The following HMCN1 variants were observed in gnomAD, a reference collection of about 807,000 sequenced individuals.
HMCN1 encodes hemicentin-1.
A neutral mutation model predicts 625.9 loss-of-function variants in HMCN1; 321 were observed. The ratio of observed to expected loss-of-function variants is 0.51; its 90% CI spans 0.47 to 0.56. The LOEUF is 0.56. Ranked by LOEUF, HMCN1 falls within the 20% of genes least tolerant of loss-of-function variation. The pLI is 0.00. For synonymous variants in HMCN1, 2,425 were observed against 2,417.6 expected, an observed-to-expected ratio of 1.00 and a Z score of -0.09; for missense variants, 6,588 against 6,887.3, an observed-to-expected ratio of 0.96 and a Z score of 1.54.
At chr1:186,067,174 C>G (rs1273790806) in intron 49 of HMCN1, among the ~76,000 whole-genome samples, 2 of 152,158 alleles carry the variant, frequency 1.3e-5, no homozygotes, top group African/African-American at 2.4e-5. Context: ...TTTAGCCCCC[C>G]AGTTTCCATA....
rs769208881 is a variant in HMCN1 at position 186,145,963 on chromosome 1, C to T, written c.14608+40C>T. The T allele has an allele frequency of 7.9e-5, 126 of 1,600,880 alleles. 2 individuals carry two copies. Among genetic ancestry groups the T allele is most frequent in the South Asian group, 6.1e-4 (55 of 90,184 alleles). On this transcript the variant is annotated intron_variant, in intron 93 of 106. Transcript: ENST00000271588. Reference sequence around the variant, plus strand: ...TGGACTTTGGTAGCACATTTAGAGCCTTTGTGCAAATTAGAGAAAGGTGCC... The same window carrying T: ...TGGACTTTGGTAGCACATTTAGAGCTTTTGTGCAAATTAGAGAAAGGTGCC...
chr1:185,815,809 G>T (rs1467338629), intron 1 of HMCN1, among the ~76,000 whole-genome samples: 1 of 150,262 alleles, frequency 6.7e-6, no homozygotes, highest in Non-Finnish European at 1.5e-5. Flanking sequence ...CCATTAGGCT[G>T]CTAGAATTCC....
chr1:186,152,793 C>A lies in HMCN1; in HGVS notation c.14940C>A (p.Ser4980=). ...GTCATATTGCCCGGGGCTTGGATTC[C>A]GATGGTTCTTTGCTGCTAGATATCG... is the stretch of plus-strand genomic sequence containing the variant. ...QMSHIARGLD[S]DGSLLLDIVV... The change falls in exon 96 of 107, where the codon TCC becomes TCA. Residue 4980 remains serine (S), a synonymous_variant. Transcript: ENST00000271588. 1 of 1,613,926 alleles carries A rather than the reference C, an allele frequency of 6.2e-7. No individual in the cohort carries two copies. Among genetic ancestry groups the A allele is most frequent in the Admixed American group, 1.7e-5 (1 of 60,016 alleles).
chr1:185,888,382 C>A (rs1379816165), intron 4 of HMCN1, among the ~76,000 whole-genome samples: 1 of 144,384 alleles, frequency 6.9e-6, no homozygotes, highest in East Asian at 1.9e-4. Flanking sequence ...AAGTCCTTGC[C>A]CATGCGTATG....
At chr1:185,919,196 A>G (rs1666881119) in intron 6 of HMCN1, among the ~76,000 whole-genome samples, 1 of 152,042 alleles carries the variant, frequency 6.6e-6, no homozygotes, top group East Asian at 1.9e-4. Flanking sequence ...TGACTCAGTT[A>G]CAGAATTAGC....
intron 53 of HMCN1, among the ~76,000 whole-genome samples, 185 bp downstream of exon 53, chr1:186,075,076 T>A (rs1281325527): frequency 1.3e-5 from 2 of 152,140 alleles, no homozygotes; most frequent in African/African-American, 4.8e-5. Flanking sequence ...CCTCTGTTAT[T>A]TTTATGTGTT....
intron 105 of HMCN1, among the ~76,000 whole-genome samples, chr1:186,182,774 C>A (rs749584664): frequency 2.0e-5 from 3 of 152,162 alleles, no homozygotes; most frequent in Non-Finnish European, 4.4e-5. Flanking sequence ...TATGTGCTAG[C>A]ATTGCAGGAT....
chr1:186,177,553 T>C (rs772262826), intron 103 of HMCN1, among the ~76,000 whole-genome samples: 23 of 152,194 alleles, frequency 1.5e-4, no homozygotes, highest in Non-Finnish European at 2.4e-4. Flanking sequence ...ATGGTTTACA[T>C]TTGGAAAAGA....
chr1:185,786,251 A>G (rs1034311246), intron 1 of HMCN1, among the ~76,000 whole-genome samples: 2 of 152,204 alleles, frequency 1.3e-5, no homozygotes, highest in South Asian at 4.1e-4. Flanking sequence ...AGGTTTTTCC[A>G]TGGAAATGCA....
At position 186,069,750 on chromosome 1, in the gene HMCN1, T is replaced by G; in HGVS notation, c.7967T>G (p.Ile2656Arg). 6 of 1,612,648 alleles carry G rather than the reference T, an allele frequency of 3.7e-6. No homozygotes were observed. The highest frequency in any genetic ancestry group is 4.2e-6 in the Non-Finnish European group (5 of 1,179,014). The change falls in exon 51 of 107, where the codon ATA becomes AGA. Residue 2656 changes from isoleucine to arginine, a missense_variant. Ile to Arg is a moderately conservative substitution (Grantham distance 97, BLOSUM62 -3). Transcript: ENST00000271588. ...GCCACGAATGAGGCTGGAGAAATGA[T>G]AAAGCACTATGAAGTGAAGGTGTAC... is the stretch of plus-strand genomic sequence containing the variant. ...CVATNEAGEM[I>R]KHYEVKVYIP...
rs1003224682 is a variant in HMCN1, at chr1:186,015,578, A to G, written c.4909+141A>G. 7 of 864,286 alleles carry G rather than the reference A, an allele frequency of 8.1e-6. No homozygotes were observed. In the African/African-American group the frequency reaches 1.0e-4, roughly 13 times the overall value. The allele number at this position is 864,286 out of a possible 1,614,324, so 53.5% of individuals were successfully genotyped here. The stretch of plus-strand genomic sequence containing the variant: ...GATAGGAATTGGAAGAATTTGTTCC[A>G]TGATTTGGAAAAATATTTTTAAAAC... On this transcript the variant is annotated intron_variant, in intron 31 of 106. Coordinates refer to ENST00000271588, the MANE Select transcript of HMCN1 (RefSeq NM_031935.3).
At chr1:186,086,210 C>T (rs367551014) in intron 57 of HMCN1, 36 bp from the exon 58 acceptor site, 132 of 1,564,792 alleles carry the variant, frequency 8.4e-5, no homozygotes, top group Non-Finnish European at 1.1e-4. Flanking sequence ...ATGTTGATAA[C>T]ACCTGCTTTC....
At chr1:185,869,856 G>T (rs1442512796) in intron 4 of HMCN1, among the ~76,000 whole-genome samples, 1 of 152,044 alleles carries the variant, frequency 6.6e-6, no homozygotes, top group African/African-American at 2.4e-5. Context: ...AGCCACACAT[G>T]CACTGAGTCC....
At chr1:185,809,916 TC>T (rs1659407194) in intron 1 of HMCN1, among the ~76,000 whole-genome samples, 1 of 152,122 alleles carries the variant, frequency 6.6e-6, no homozygotes, top group Non-Finnish European at 1.5e-5. Flanking sequence ...GTACTATTTT[TC>T]TTTTGGGTAT....
intron 4 of HMCN1, among the ~76,000 whole-genome samples, chr1:185,866,928 G>A (rs146128222): frequency 2.0e-5 from 3 of 151,730 alleles, no homozygotes; most frequent in African/African-American, 4.8e-5. Context: ...ATAGGTAAAC[G>A]TGTGCCATGG....
At chr1:186,021,671 T>C (rs900689537) in intron 35 of HMCN1, among the ~76,000 whole-genome samples, 1 of 152,018 alleles carries the variant, frequency 6.6e-6, no homozygotes, top group African/African-American at 2.4e-5. Flanking sequence ...GGAGTTTACA[T>C]GGGAGAGTTT....
Position 185,980,995 on chromosome 1 carries a change from A to G in HMCN1, c.2584A>G (p.Lys862Glu). The G allele has an allele frequency of 6.2e-7, 1 of 1,607,372 alleles. No individual in the cohort carries two copies. The highest frequency in any genetic ancestry group is 1.7e-5 in the Admixed American group (1 of 59,996). Residue 862 changes from lysine to glutamate, a missense_variant, in exon 17 of 107, where the codon AAA (lysine) becomes GAA (glutamate). Lys to Glu is a moderately conservative substitution (Grantham distance 56). Around this residue, in one of 3 missense-constraint regions of HMCN1, gnomAD observed 4,628 missense variants for 4,853.1 expected, o/e 0.95. Coordinates refer to ENST00000271588, the MANE Select transcript of HMCN1 (RefSeq NM_031935.3). ...LFILNLWASD[K>E]GTYICEAENQ... is the part of the protein sequence containing the mutation. ...CCTTTTAGACTTATGGGCAAGTGAT[A>G]AAGGAACCTATATTTGTGAAGCTGA...
At chr1:185,885,299 T>C (rs988691982) in intron 4 of HMCN1, among the ~76,000 whole-genome samples, 17 of 152,096 alleles carry the variant, frequency 1.1e-4, no homozygotes, top group African/African-American at 4.1e-4. Flanking sequence ...AGTACAAGAA[T>C]AGCTAGTTTG....
At chr1:185,848,753 G>T (rs2102324582) in intron 2 of HMCN1, among the ~76,000 whole-genome samples, 1 of 152,050 alleles carries the variant, frequency 6.6e-6, no homozygotes, top group East Asian at 1.9e-4. Flanking sequence ...CAAATATCTG[G>T]ATACTTCCTT....
Sources: gnomAD v4.1 joint callset for allele counts (sites outside exome capture counted in the v4.1 genomes callset) on GRCh38, gnomAD v4.1.1 for gene constraint, gnomAD v4.1.1 regional missense constraint, MANE v1.5 for transcripts, NCBI Gene and HGNC (gene_info 2026-07-23, HGNC 2026-07-21) for gene names.